The following DOCK3 variants were observed in gnomAD, a reference collection of about 807,000 sequenced individuals.
The protein encoded by DOCK3 is dedicator of cytokinesis 3, also known as dedicator of cytokinesis protein 3.
Under a neutral mutation model 265.6 loss-of-function variants are expected in DOCK3, and 60 were observed. The observed-to-expected ratio is 0.23, with a 90% CI of 0.18 to 0.28. DOCK3 has a LOEUF of 0.28. Among genes scored for constraint, DOCK3 ranks in the 10% least tolerant of loss-of-function variants. DOCK3 has a pLI of 1.00. For missense variants in DOCK3, 1,981 were observed against 2,594.3 expected (o/e 0.76, Z 5.14); for synonymous variants, 881 against 938.0 (o/e 0.94, Z 1.11).
In DOCK3 at chr3:51,348,953, T is replaced by TCCCCCCCCCCCCCCCC; in HGVS notation, c.4002+21_4002+22insCCCCCCCCCCCCCCCC. On this transcript the variant is annotated intron_variant, in intron 39 of 52. Coordinates refer to ENST00000266037, the MANE Select transcript of DOCK3 (RefSeq NM_004947.5). ...GCTGGATTCGGGTGAGCTGTGCCCC[T>TCCCCCCCCCCCCCCCC]CCCCCCACCCCAGCCCTGACTGGCA... The TCCCCCCCCCCCCCCCC allele has an allele frequency of 1.2e-6, 1 of 835,204 alleles. No homozygotes were observed. The highest frequency in any genetic ancestry group is 1.7e-6 in the Non-Finnish European group (1 of 577,730). The allele number at this position is 835,204 out of a possible 1,614,324, so 51.7% of individuals were successfully genotyped here.
chr3:51,038,376 A>G (rs1163013581), intron 5 of DOCK3, among the ~76,000 whole-genome samples: 1 of 152,224 alleles, frequency 6.6e-6, no homozygotes, highest in Non-Finnish European at 1.5e-5. Context: ...CCAACTGTTC[A>G]TAATAATCAT....
intron 1 of DOCK3, among the ~76,000 whole-genome samples, chr3:50,681,594 A>AT (rs1301524415): frequency 6.6e-6 from 1 of 152,076 alleles, no homozygotes; most frequent in East Asian, 1.9e-4. Context: ...AAAACCTTAA[A>AT]TTTTTTTTAT....
chr3:51,037,187 A>C (rs77260798), intron 5 of DOCK3, among the ~76,000 whole-genome samples: 2,839 of 152,278 alleles, frequency 0.019, 103 homozygotes, highest in African/African-American at 0.065. Context: ...TTAAAAAAAT[A>C]TAATGCAAAC....
intron 14 of DOCK3, 111 bp from the exon 15 acceptor site, chr3:51,225,538 C>A: frequency 6.8e-7 from 1 of 1,476,776 alleles, no homozygotes; most frequent in Non-Finnish European, 9.0e-7. Flanking sequence ...CTTGGAATGC[C>A]CTGAACACCC....
intron 5 of DOCK3, among the ~76,000 whole-genome samples, chr3:51,041,911 C>G (rs1411103994): frequency 6.6e-6 from 1 of 152,122 alleles, no homozygotes; most frequent in East Asian, 1.9e-4. Context: ...ACAAGAGAGC[C>G]AGCTTGTCCT....
intron 1 of DOCK3, among the ~76,000 whole-genome samples, chr3:50,717,924 C>T (rs964952743): frequency 2.0e-5 from 3 of 152,102 alleles, no homozygotes; most frequent in African/African-American, 4.8e-5. Context: ...TGCACCTGGC[C>T]GTGTTTGTGT....
chr3:51,278,625 T>C (rs2080946568), intron 26 of DOCK3: 3 of 799,308 alleles, frequency 3.8e-6, no homozygotes, highest in Middle Eastern at 1.3e-3. Flanking sequence ...CATATATATA[T>C]ATATATATGT....
chr3:51,148,677 C>G (rs925614447), intron 10 of DOCK3, among the ~76,000 whole-genome samples: 4 of 152,054 alleles, frequency 2.6e-5, no homozygotes, highest in African/African-American at 9.7e-5. Flanking sequence ...ATTTCTGAGA[C>G]CTCTGTTCTG....
intron 27 of DOCK3, among the ~76,000 whole-genome samples, chr3:51,305,327 A>G (rs2082594124): frequency 1.3e-5 from 2 of 152,188 alleles, no homozygotes; most frequent in Admixed American, 6.5e-5. Context: ...TGTCTCTAAC[A>G]AAAATTTTTG....
At chr3:50,855,028 TA>T (rs2046522320) in intron 3 of DOCK3, among the ~76,000 whole-genome samples, 1 of 152,190 alleles carries the variant, frequency 6.6e-6, no homozygotes, top group South Asian at 2.1e-4. Flanking sequence ...TTCACTACTA[TA>T]GCTTTGTAGT....
chr3:50,970,613 TTTGG>T (rs2077169183), intron 5 of DOCK3, among the ~76,000 whole-genome samples: 1 of 151,696 alleles, frequency 6.6e-6, no homozygotes, highest in Non-Finnish European at 1.5e-5. Flanking sequence ...AGAAGTTCTA[TTTGG>T]TTTTTCTAAA....
At chr3:50,844,823 A>G (rs996838591) in intron 3 of DOCK3, among the ~76,000 whole-genome samples, 1 of 152,164 alleles carries the variant, frequency 6.6e-6, no homozygotes, top group Non-Finnish European at 1.5e-5. Flanking sequence ...CTACAGTAGA[A>G]CTTACTTTAG....
chr3:50,693,731 T>C (rs2107758117), intron 1 of DOCK3, among the ~76,000 whole-genome samples: 2 of 151,462 alleles, frequency 1.3e-5, no homozygotes, highest in South Asian at 4.2e-4. Flanking sequence ...GAGATGGGGT[T>C]TCACCATGTT....
chr3:50,773,688 C>T (rs779617943), intron 1 of DOCK3, among the ~76,000 whole-genome samples: 4 of 152,134 alleles, frequency 2.6e-5, no homozygotes, highest in Non-Finnish European at 5.9e-5. Flanking sequence ...GCTTAGAATA[C>T]ACCTTTGATC....
chr3:51,163,901 A>C (rs1486170250), intron 12 of DOCK3, among the ~76,000 whole-genome samples: 1 of 152,166 alleles, frequency 6.6e-6, no homozygotes, highest in East Asian at 1.9e-4. Context: ...AATTTTATGA[A>C]AAAATTTATT....
intron 27 of DOCK3, among the ~76,000 whole-genome samples, chr3:51,282,015 AG>A (rs1421310671): frequency 6.6e-6 from 1 of 152,218 alleles, no homozygotes; most frequent in Non-Finnish European, 1.5e-5. Context: ...CAAAGGAGAT[AG>A]GGTTATTTAT....
rs374810027 is a variant in DOCK3 at position 51,135,796 on chromosome 3, C to T, written c.747-10753C>T. 8.7e-4 allele frequency among the ~76,000 whole-genome samples: 132 copies of T among 152,178 alleles called. 3 individuals are homozygous for T. In the South Asian group the frequency reaches 0.027, roughly 31 times the overall value. On this transcript the variant is annotated intron_variant, in intron 9 of 52. Coordinates refer to ENST00000266037, the MANE Select transcript of DOCK3 (RefSeq NM_004947.5). ...AGTGCAAGGCTGCATGCAGCCTTGA[C>T]GTCAGCAGGCTCAAAACAATCATCC...
chr3:51,094,423 A>T (rs1576049974), intron 9 of DOCK3, among the ~76,000 whole-genome samples: 1 of 151,970 alleles, frequency 6.6e-6, no homozygotes, highest in African/African-American at 2.4e-5. Flanking sequence ...GAATTTATCC[A>T]TTTTTTCTAT....
chr3:50,824,799 C>G (rs897926365), intron 2 of DOCK3, among the ~76,000 whole-genome samples: 2 of 152,264 alleles, frequency 1.3e-5, no homozygotes, highest in Middle Eastern at 3.4e-3. Context: ...AACCTTTGAG[C>G]TACGACTAGG....
Sources: allele counts gnomAD v4.1 joint callset (sites outside exome capture counted in the v4.1 genomes callset), GRCh38; gene constraint gnomAD v4.1.1; transcripts MANE v1.5; gene names NCBI Gene and HGNC (gene_info 2026-07-23, HGNC 2026-07-21).